The following TSPAN7 variants were observed in gnomAD, a reference collection of about 807,000 sequenced individuals.
TSPAN7 encodes tetraspanin-7.
Under a neutral mutation model 17.6 loss-of-function variants are expected in TSPAN7, and 1 was observed. The observed-to-expected ratio is 0.06, with a 90% CI of 0.02 to 0.27. The LOEUF is 0.27. Ranked by LOEUF, TSPAN7 falls within the 10% of genes least tolerant of loss-of-function variation. The pLI, the probability that TSPAN7 is intolerant of heterozygous loss-of-function variation, is 1.00. For missense variants in TSPAN7, 112 were observed against 201.7 expected, an observed-to-expected ratio of 0.56 and a Z score of 2.69; for synonymous variants, 78 against 79.0, an observed-to-expected ratio of 0.99 and a Z score of 0.07.
At chrX:38,582,590 G>A (rs979215168) in intron 1 of TSPAN7, among the ~76,000 whole-genome samples, 3 of 111,648 alleles carry the variant, frequency 2.7e-5, no homozygotes, top group African/African-American at 9.8e-5. Flanking sequence ...TGATTGTAAA[G>A]GTTTGACTAA....
At chrX:38,661,376 A>G (rs759936898) in intron 1 of TSPAN7, among the ~76,000 whole-genome samples, 1 of 112,733 alleles carries the variant, frequency 8.9e-6, no homozygotes, top group South Asian at 3.7e-4. Flanking sequence ...TTCTGATGCC[A>G]TGATTATAGC....
At position 38,648,640 on chromosome X, in the gene TSPAN7, C is replaced by T. The variant is rs776222143; in HGVS notation, c.82-17481C>T. The stretch of plus-strand genomic sequence containing the variant: ...ATTTTTTAAATTTTTGTCATCGTGA[C>T]AGGGTCTCGCTGTGTTGTCCAGGCT... On this transcript the variant is annotated intron_variant, in intron 1 of 7. Coordinates refer to ENST00000378482, the MANE Select transcript of TSPAN7 (RefSeq NM_004615.4). 1.5e-3 allele frequency among the ~76,000 whole-genome samples: 163 copies of T among 111,495 alleles called. 1 individual carries two copies. The highest frequency in any genetic ancestry group is 5.0e-3 in the African/African-American group (152 of 30,707).
At chrX:38,683,420 A>G (rs192906713) in intron 6 of TSPAN7, among the ~76,000 whole-genome samples, 4 of 113,130 alleles carry the variant, frequency 3.5e-5, no homozygotes, top group African/African-American at 9.6e-5. Context: ...CTAGGCCAGT[A>G]AGAGAGCGGC....
intron 1 of TSPAN7, among the ~76,000 whole-genome samples, chrX:38,658,899 C>T (rs2147445492): frequency 9.0e-6 from 1 of 110,561 alleles, no homozygotes; most frequent in African/African-American, 3.3e-5. Context: ...TTTAACAAGT[C>T]AGCACTTAAG....
intron 1 of TSPAN7, among the ~76,000 whole-genome samples, chrX:38,593,554 T>C (rs2069303732): frequency 8.9e-6 from 1 of 112,533 alleles, no homozygotes; most frequent in African/African-American, 3.2e-5. Flanking sequence ...AATTTAATTG[T>C]CATTCAGTAT....
intron 2 of TSPAN7, among the ~76,000 whole-genome samples, chrX:38,667,178 A>G (rs1048379606): frequency 9.0e-6 from 1 of 111,661 alleles, no homozygotes; most frequent in African/African-American, 3.3e-5. Context: ...TACCAGGACC[A>G]GTGCAGGGTG....
chrX:38,611,618 A>G (rs2069418893), intron 1 of TSPAN7, among the ~76,000 whole-genome samples: 2 of 111,492 alleles, frequency 1.8e-5, no homozygotes, highest in African/African-American at 3.3e-5. Context: ...GTCTTGGGCC[A>G]TATTAAAGGA....
intron 1 of TSPAN7, among the ~76,000 whole-genome samples, chrX:38,588,407 T>C (rs1197605597): frequency 1.8e-5 from 2 of 111,816 alleles, no homozygotes; most frequent in East Asian, 5.6e-4. Flanking sequence ...TTGCTGTTTT[T>C]ATTTGTGGGT....
chrX:38,644,086 C>T (rs957606726), intron 1 of TSPAN7, among the ~76,000 whole-genome samples: 11 of 111,360 alleles, frequency 9.9e-5, no homozygotes, highest in East Asian at 5.6e-4. Flanking sequence ...ATAAAATTAA[C>T]GGGGCCCAAA....
At chrX:38,648,675 C>T (rs910124473) in intron 1 of TSPAN7, among the ~76,000 whole-genome samples, 1 of 111,737 alleles carries the variant, frequency 8.9e-6, no homozygotes, top group Non-Finnish European at 1.9e-5. Flanking sequence ...TGGTCTCAAA[C>T]TCCTGGCCTT....
At chrX:38,681,426 G>T (rs17247299) in intron 6 of TSPAN7, 139 bp downstream of exon 6, 5 of 533,696 alleles carry the variant, frequency 9.4e-6, no homozygotes, top group Non-Finnish European at 1.6e-5. Flanking sequence ...TTAGTCCTCA[G>T]GTGATCTGTT....
In TSPAN7 at chrX:38,687,714, C is replaced by T. The variant is rs771006257; in HGVS notation, c.*7+40C>T. The stretch of plus-strand genomic sequence containing the variant: ...GGAGTGTTTAATTTTGAGGGGTCCC[C>T]TTTGGGACACTTACTACCCTTCAAA... On this transcript the variant is annotated intron_variant, in intron 7 of 7. Transcript: ENST00000378482. 2.7e-6 allele frequency: 3 copies of T among 1,097,547 alleles called. No homozygotes were observed. In the East Asian group the frequency reaches 9.2e-5, roughly 34 times the overall value. 90.5% of individuals were successfully genotyped at this position (1,097,547 alleles called of 1,213,427 possible).
chrX:38,669,926 C>T (rs1224727929), intron 2 of TSPAN7, among the ~76,000 whole-genome samples: 1 of 111,858 alleles, frequency 8.9e-6, no homozygotes, highest in Non-Finnish European at 1.9e-5. Context: ...ATGGGAGAGT[C>T]TCACATCAAA....
intron 1 of TSPAN7, among the ~76,000 whole-genome samples, chrX:38,573,532 A>G (rs2069180035): frequency 8.9e-6 from 1 of 111,971 alleles, no homozygotes; most frequent in Non-Finnish European, 1.9e-5. Context: ...CCCTATTACT[A>G]ACAGCTTACA....
rs759060825 is a variant in TSPAN7, at chrX:38,650,994, C to G, written c.82-15127C>G. ...CCTGTTAATGTGTCCTTGATGAGAG[C>G]TATTTGCAAACAAAGCACTCTTTCT... On this transcript the variant is annotated intron_variant, in intron 1 of 7. Coordinates refer to ENST00000378482, the MANE Select transcript of TSPAN7 (RefSeq NM_004615.4). Among the ~76,000 whole-genome samples, 107 of 108,254 alleles carry G rather than the reference C, an allele frequency of 9.9e-4. 1 individual carries two copies. The highest frequency in any genetic ancestry group is 1.5e-3 in the Non-Finnish European group (80 of 52,416). The allele number at this position is 108,254 out of a possible 115,157, so 94.0% of individuals were successfully genotyped here. A position where few individuals can be genotyped will look rare whatever the true frequency, so the allele number is the denominator to read the frequency against.
chrX:38,619,515 T>G (rs1304330869), intron 1 of TSPAN7, among the ~76,000 whole-genome samples: 1 of 111,934 alleles, frequency 8.9e-6, no homozygotes, highest in Non-Finnish European at 1.9e-5. Flanking sequence ...CTTTGCTGCT[T>G]ATTTTAATCA....
chrX:38,563,479 G>C (rs753815420), intron 1 of TSPAN7, among the ~76,000 whole-genome samples: 6 of 110,627 alleles, frequency 5.4e-5, no homozygotes, highest in African/African-American at 2.0e-4. Flanking sequence ...ATATTGGGAG[G>C]GGGGAGGTAT....
intron 1 of TSPAN7, among the ~76,000 whole-genome samples, chrX:38,584,679 A>G (rs2069248401): frequency 8.9e-6 from 1 of 112,161 alleles, no homozygotes; most frequent in African/African-American, 3.2e-5. Flanking sequence ...ATATTTATGT[A>G]CAGTTTAGAG....
chrX:38,668,185 A>G (rs886782360), intron 2 of TSPAN7, among the ~76,000 whole-genome samples: 37 of 112,157 alleles, frequency 3.3e-4, no homozygotes, highest in African/African-American at 1.2e-3. Flanking sequence ...TTTGTCTCCA[A>G]TTGTAACAAA....
Sources: gnomAD v4.1 joint callset for allele counts (sites outside exome capture counted in the v4.1 genomes callset) on GRCh38, gnomAD v4.1.1 for gene constraint, MANE v1.5 for transcripts, NCBI Gene and HGNC (gene_info 2026-07-23, HGNC 2026-07-21) for gene names.